The following SPEG variants were observed in gnomAD, a reference collection of about 807,000 sequenced individuals.
SPEG encodes striated muscle enriched protein kinase.
A neutral mutation model predicts 300.4 loss-of-function variants in SPEG; 114 were observed. The ratio of observed to expected loss-of-function variants is 0.38; its 90% CI spans 0.33 to 0.44. The LOEUF is 0.44. Among genes scored for constraint, SPEG ranks in the 20% least tolerant of loss-of-function variants. The pLI, the probability that SPEG is intolerant of heterozygous loss-of-function variation, is 1.00. For missense variants in SPEG, 4,201 were observed against 4,586.2 expected, an observed-to-expected ratio of 0.92 and a Z score of 2.43; for synonymous variants, 1,964 against 2,018.9, an observed-to-expected ratio of 0.97 and a Z score of 0.73.
At chr2:219,467,153 C>T in intron 9 of SPEG, 21 bp from the exon 10 acceptor site, 1 of 1,557,144 alleles carries the variant, frequency 6.4e-7, no homozygotes, top group Non-Finnish European at 8.7e-7. Context: ...TGCGTGGCCC[C>T]CGTGGCTGCT....
intron 13 of SPEG, among the ~76,000 whole-genome samples, chr2:219,470,916 T>G (rs1191463496): frequency 1.3e-5 from 2 of 151,504 alleles, no homozygotes; most frequent in Non-Finnish European, 2.9e-5. Flanking sequence ...AGCAGGCAAC[T>G]CTTGTAATAT....
rs199826229 is a variant in SPEG, at chr2:219,471,836, C to G, written c.3716-32C>G. On this transcript the variant is annotated intron_variant, in intron 13 of 40. Transcript: ENST00000312358. ...TACCCCTCAAGGTATCCTCCGGGCT[C>G]AGGCCCAGTGTCACTGTCCCTCCCC... The G allele has an allele frequency of 9.9e-5, 159 of 1,613,144 alleles. No homozygotes were observed. In the African/African-American group the frequency reaches 1.9e-3, roughly 20 times the overall value.
chr2:219,451,410 G>T lies in SPEG; in HGVS notation c.2257+131G>T. On this transcript the variant is annotated intron_variant, in intron 5 of 40. Coordinates refer to ENST00000312358, the MANE Select transcript of SPEG (RefSeq NM_005876.5). The surrounding 1 kb of genome is among the most constrained non-coding windows in gnomAD (Gnocchi z 6.4). ...GGGAATTATCCCCTCCACGGGGGCT[G>T]CCCTGACTTGGGTGTGTGTTCAGGG... 1 of 1,311,294 alleles carries T rather than the reference G, an allele frequency of 7.6e-7. No individual in the cohort carries two copies. The highest frequency in any genetic ancestry group is 1.5e-5 in the South Asian group (1 of 65,628). The allele number at this position is 1,311,294 out of a possible 1,614,324, so 81.2% of individuals were successfully genotyped here.
In SPEG at chr2:219,449,003, C is replaced by A; in HGVS notation, c.1845C>A (p.Ala615=). ...GCAGGAGCCCTGTGCCGCCCCCCGC[C>A]GCCGATCCCCCAGAGGCCAGGACGA... ...QECRSPVPPP[A]ADPPEARTKA... is the part of the protein sequence containing the mutation. Residue 615 remains alanine, a synonymous_variant, in exon 4 of 41, where the codon GCC becomes GCA. Coordinates refer to ENST00000312358, the MANE Select transcript of SPEG (RefSeq NM_005876.5). 1 of 1,479,678 alleles carries A rather than the reference C, an allele frequency of 6.8e-7. No homozygotes were observed. The highest frequency in any genetic ancestry group is 1.3e-5 in the South Asian group (1 of 74,244). 91.7% of individuals were successfully genotyped at this position (1,479,678 alleles called of 1,614,324 possible).
At position 219,435,062 on chromosome 2, in the gene SPEG, G is replaced by T; in HGVS notation, c.85G>T (p.Val29Leu). ...SPGVPPKRAKVGAGGGAPVAV... is the reference protein window; with the variant it reads ...SPGVPPKRAKLGAGGGAPVAV... The stretch of plus-strand genomic sequence containing the variant: ...CGGAGTGCCCCCGAAAAGGGCCAAG[G>T]TGGGGGCCGGCGGCGGGGCTCCTGT... The change falls in exon 1 of 41, where the codon GTG (valine) becomes TTG (leucine). Residue 29 changes from valine to leucine, a missense_variant. Transcript: ENST00000312358. The T allele has an allele frequency of 5.4e-6, 8 of 1,477,456 alleles. No individual in the cohort carries two copies. Among genetic ancestry groups the T allele is most frequent in the Non-Finnish European group, 7.1e-6 (8 of 1,123,830 alleles). The allele number at this position is 1,477,456 out of a possible 1,614,324, so 91.5% of individuals were successfully genotyped here.
rs754408919 is a variant in SPEG, at chr2:219,490,390, C to T, written c.8922-19C>T. On this transcript the variant is annotated intron_variant, in intron 36 of 40. Coordinates refer to ENST00000312358, the MANE Select transcript of SPEG (RefSeq NM_005876.5). ...CTCCTCTCCTCTGAGCCGGTGGTGT[C>T]CCTCCCCCCGACACACAGGGGCCGC... 2 of 1,602,874 alleles carry T rather than the reference C, an allele frequency of 1.2e-6. No homozygotes were observed. The highest frequency in any genetic ancestry group is 1.7e-6 in the Non-Finnish European group (2 of 1,174,458).
intron 31 of SPEG, among the ~76,000 whole-genome samples, chr2:219,485,981 A>C (rs1693381858): frequency 6.6e-6 from 1 of 152,148 alleles, no homozygotes; most frequent in African/African-American, 2.4e-5. Flanking sequence ...CCCCCTTTAG[A>C]TGTGTGTGTG....
chr2:219,454,707 T>A (rs1690037711), intron 6 of SPEG, among the ~76,000 whole-genome samples: 1 of 152,234 alleles, frequency 6.6e-6, no homozygotes, highest in Admixed American at 6.5e-5. Context: ...GCACTTGCCA[T>A]CTGCCTAGGG....
chr2:219,468,332 C>A, intron 10 of SPEG, among the ~76,000 whole-genome samples: 1 of 152,130 alleles, frequency 6.6e-6, no homozygotes, highest in African/African-American at 2.4e-5. Context: ...AGGCCCTGGG[C>A]TCAGGCCCTG....
At position 219,464,397 on chromosome 2, in the gene SPEG, CT is replaced by C; in HGVS notation, c.2706-35del. On this transcript the variant is annotated intron_variant, in intron 8 of 40. Coordinates refer to ENST00000312358, the MANE Select transcript of SPEG (RefSeq NM_005876.5). This position sits in a 1 kb window ranked among gnomAD's most constrained non-coding sequence, Gnocchi z 4.5. ...GTTCCTGTGCACGCACATCAGGCCC[CT>C]GGGCCCTGGGACTGAGTTCTTGCCC... The C allele has an allele frequency of 6.3e-7, 1 of 1,589,542 alleles. No individual in the cohort carries two copies. The highest frequency in any genetic ancestry group is 8.5e-7 in the Non-Finnish European group (1 of 1,172,012).
Position 219,445,184 on chromosome 2 carries a change from C to T in SPEG, c.815+23C>T, listed in dbSNP as rs1427783282. 2 of 1,547,892 alleles carry T rather than the reference C, an allele frequency of 1.3e-6. No individual in the cohort carries two copies. The highest frequency in any genetic ancestry group is 2.7e-5 in the African/African-American group (2 of 72,990). On this transcript the variant is annotated intron_variant, in intron 3 of 40. Transcript: ENST00000312358. This position sits in a 1 kb window ranked among gnomAD's most constrained non-coding sequence, Gnocchi z 6.1. Reference sequence around the variant, plus strand: ...CGTGTAAGTAACGGCCTTACCTGGGCCTGAACTGCCCCATCTCACCACGCT... The same window carrying T: ...CGTGTAAGTAACGGCCTTACCTGGGTCTGAACTGCCCCATCTCACCACGCT...
chr2:219,448,903 CG>C lies in SPEG; in HGVS notation c.1750del (p.Glu584LysfsTer15). The C allele has an allele frequency of 1.4e-6, 2 of 1,456,778 alleles. No individual in the cohort carries two copies. Among genetic ancestry groups the C allele is most frequent in the Admixed American group, 2.5e-5 (1 of 40,098 alleles). 90.2% of individuals were successfully genotyped at this position (1,456,778 alleles called of 1,614,324 possible). ...RSRGPAGRTE[P>X]GEGPQQEVRR... Reference sequence around the variant, plus strand: ...CGCGGGCCGGCGGGCAGGACAGAGCCGGGGGAAGGCCCGCAGCAGGAGGTTA... The same window carrying C: ...CGCGGGCCGGCGGGCAGGACAGAGCCGGGGAAGGCCCGCAGCAGGAGGTTA... On this transcript the variant is annotated frameshift_variant, in exon 4 of 41. Transcript: ENST00000312358. LOFTEE classifies it high-confidence loss of function.
At chr2:219,438,574 C>T (rs1954778701) in intron 1 of SPEG, among the ~76,000 whole-genome samples, 1 of 152,224 alleles carries the variant, frequency 6.6e-6, no homozygotes, top group South Asian at 2.1e-4. Context: ...TGAGGAGCCA[C>T]ATGCAAATCC....
At position 219,476,954 on chromosome 2, in the gene SPEG, A is replaced by T. The variant is rs1692400907; in HGVS notation, c.4532A>T (p.Lys1511Ile). 1 of 1,612,110 alleles carries T rather than the reference A, an allele frequency of 6.2e-7. No individual in the cohort carries two copies. The highest frequency in any genetic ancestry group is 8.5e-7 in the Non-Finnish European group (1 of 1,179,226). ...CGCTTTGCGGTGGTGGTCGAGGGAA[A>T]ACCACTGCCGGACATCATGTGGTAC... ...TARFAVVVEG[K>I]PLPDIMWYKD... is the part of the protein sequence containing the mutation. The change falls in exon 19 of 41, where the codon AAA becomes ATA. Residue 1511 changes from lysine (K) to isoleucine (I), a missense_variant. Lys to Ile is a moderately radical substitution (Grantham distance 102, BLOSUM62 -3). Transcript: ENST00000312358.
At chr2:219,463,343 G>T (rs926279155) in intron 8 of SPEG, among the ~76,000 whole-genome samples, 22 of 137,340 alleles carry the variant, frequency 1.6e-4, no homozygotes, top group Non-Finnish European at 1.9e-4. Flanking sequence ...ATTTTTTATG[G>T]TTTGAATTCT....
intron 18 of SPEG, 25 bp from the exon 19 acceptor site, chr2:219,476,845 C>A: frequency 6.3e-7 from 1 of 1,590,460 alleles, no homozygotes; most frequent in Non-Finnish European, 8.6e-7. Flanking sequence ...CCTTCTCTTC[C>A]CACCCCTATC....
rs142522694 is a variant in SPEG at position 219,439,894 on chromosome 2, G to A, written c.388+4529G>A. ...CACTCAGCTCCCCATCTGTGAGTGG[G>A]TGTGTTTAGGGGTGTACATGGAAAG... On this transcript the variant is annotated intron_variant, in intron 1 of 40. Coordinates refer to ENST00000312358, the MANE Select transcript of SPEG (RefSeq NM_005876.5). This position sits in a 1 kb window ranked among gnomAD's most constrained non-coding sequence, Gnocchi z 4.5. Among the ~76,000 whole-genome samples the A allele has an allele frequency of 1.6e-4, 25 of 152,342 alleles. No homozygotes were observed. Among genetic ancestry groups the A allele is most frequent in the African/African-American group, 6.0e-4 (25 of 41,576 alleles).
At chr2:219,487,238 T>C (rs897462967) in intron 31 of SPEG, among the ~76,000 whole-genome samples, 1 of 152,106 alleles carries the variant, frequency 6.6e-6, no homozygotes, top group Non-Finnish European at 1.5e-5. Flanking sequence ...GAAGGAAAAC[T>C]GGTCGCATCC....
Position 219,472,303 on chromosome 2 carries a change from C to A in SPEG, c.3912C>A (p.Asn1304Lys), listed in dbSNP as rs754773582. The change falls in exon 15 of 41, where the codon AAC becomes AAA. Residue 1304 changes from asparagine to lysine, a missense_variant. Asn to Lys is a moderately conservative substitution (Grantham distance 94). Around this residue, in one of 4 missense-constraint regions of SPEG, gnomAD observed 1,047 missense variants for 1,356.8 expected, o/e 0.77. Coordinates refer to ENST00000312358, the MANE Select transcript of SPEG (RefSeq NM_005876.5). Reference protein sequence around the residue: ...VTGRMVTLTWNPPRSLDMAID... With the variant: ...VTGRMVTLTWKPPRSLDMAID... ...GGAGGATGGTCACACTCACATGGAACCCCCCCAGGAGTCTGGACATGGCCA... is the reference window on the plus strand; with the variant it reads ...GGAGGATGGTCACACTCACATGGAAACCCCCCAGGAGTCTGGACATGGCCA... The A allele has an allele frequency of 3.7e-6, 6 of 1,613,284 alleles. No individual in the cohort carries two copies. In the Admixed American group the frequency reaches 8.3e-5, roughly 22 times the overall value.
Sources: allele counts gnomAD v4.1 joint callset (sites outside exome capture counted in the v4.1 genomes callset), GRCh38; gene constraint gnomAD v4.1.1; regional missense constraint gnomAD v4.1.1; non-coding constraint Gnocchi (gnomAD v3.1); transcripts MANE v1.5; gene names NCBI Gene and HGNC (gene_info 2026-07-23, HGNC 2026-07-21).